Variants in CLECL1 observed in about 807,000 individuals in gnomAD.
CLECL1 encodes C-type lectin like 1.
At chr12:9,705,459 C>T in the CLECL1 span, among the ~76,000 whole-genome samples, 2 of 152,060 alleles carry the variant, frequency 1.3e-5, no homozygotes, top group Non-Finnish European at 2.9e-5. Context: ...TTGGCATCTT[C>T]GTCATGAAAT....
At chr12:9,720,713 C>T (rs1168226192), downstream of CLECL1, among the ~76,000 whole-genome samples, 2 of 152,184 alleles carry the variant, frequency 1.3e-5, no homozygotes, top group Non-Finnish European at 1.5e-5. Flanking sequence ...TTCTGCTTCT[C>T]TCCAGTCATT....
chr12:9,704,175 T>C, the CLECL1 span: 2 of 152,210 alleles, frequency 1.3e-5, no homozygotes, highest in Non-Finnish European at 2.9e-5. Flanking sequence ...CATAGTACTT[T>C]AATATTTTAT....
chr12:9,722,467 G>GAAAAA, downstream of CLECL1: 2 of 1,079,260 alleles, frequency 1.9e-6, no homozygotes, highest in African/African-American at 3.4e-5. Context: ...CTCCTAGCCG[G>GAAAAA]AAAAAAAAAA....
At chr12:9,717,630 A>G (rs1037363739), downstream of CLECL1, among the ~76,000 whole-genome samples, 1 of 152,248 alleles carries the variant, frequency 6.6e-6, no homozygotes, top group South Asian at 2.1e-4. Context: ...AATTAGGCAT[A>G]CAAGTGAGAT....
At chr12:9,707,025 A>G in the CLECL1 span, among the ~76,000 whole-genome samples, 3 of 152,084 alleles carry the variant, frequency 2.0e-5, no homozygotes, top group African/African-American at 7.2e-5. Flanking sequence ...TACTGGCTCA[A>G]TTTCAGAACT....
chr12:9,707,586 C>T, the CLECL1 span, among the ~76,000 whole-genome samples: 1 of 152,144 alleles, frequency 6.6e-6, no homozygotes, highest in African/African-American at 2.4e-5. Flanking sequence ...TGTGTATGCT[C>T]CCCTAGAGAT....
At chr12:9,727,518 A>T (rs7970116) in intron 3 of CLECL1, among the ~76,000 whole-genome samples, 1 of 151,372 alleles carries the variant, frequency 6.6e-6, no homozygotes, top group South Asian at 2.1e-4. Flanking sequence ...CAAGGCTACT[A>T]TTCATGCTTG....
chr12:9,716,743 C>A (rs1266397757), exon 3 of CLECL1: 1 of 1,272,788 alleles, frequency 7.9e-7, no homozygotes, highest in Non-Finnish European at 1.0e-6. Context: ...AGTCTAGGAA[C>A]TTCTATATGC....
chr12:9,705,739 T>A, the CLECL1 span, among the ~76,000 whole-genome samples: 1 of 152,172 alleles, frequency 6.6e-6, no homozygotes. Context: ...AATTCTCTAA[T>A]CTGTTCCATT....
At chr12:9,708,074 C>T in the CLECL1 span, among the ~76,000 whole-genome samples, 1 of 152,160 alleles carries the variant, frequency 6.6e-6, no homozygotes, top group African/African-American at 2.4e-5. Flanking sequence ...AGTTCAGCAG[C>T]CACGAGGAGG....
downstream of CLECL1, chr12:9,715,750 T>A (rs1866232381): frequency 6.6e-6 from 1 of 152,636 alleles, no homozygotes; most frequent in Non-Finnish European, 1.5e-5. Context: ...CTCTCTCCAG[T>A]TCTCGCCTTT....
At chr12:9,722,678 G>A (rs776215319) in exon 4 of CLECL1, 10 of 1,613,812 alleles carry the variant, frequency 6.2e-6, no homozygotes, top group Non-Finnish European at 8.5e-6. Flanking sequence ...CATGAGATAT[G>A]AATTGTTTAT....
At chr12:9,711,534 C>T (rs1866200915), downstream of CLECL1, among the ~76,000 whole-genome samples, 1 of 151,472 alleles carries the variant, frequency 6.6e-6, no homozygotes, top group Non-Finnish European at 1.5e-5. Flanking sequence ...AAAATCTCTT[C>T]TTAGTTTTCA....
At chr12:9,731,167 C>G (rs1866442561) in intron 1 of CLECL1, among the ~76,000 whole-genome samples, 1 of 152,250 alleles carries the variant, frequency 6.6e-6, no homozygotes, top group Non-Finnish European at 1.5e-5. Context: ...CACACTCTCA[C>G]TGATGTCCTG....
intron 3 of CLECL1, among the ~76,000 whole-genome samples, chr12:9,726,169 G>T (rs1866376926): frequency 6.6e-6 from 1 of 151,866 alleles, no homozygotes; most frequent in Non-Finnish European, 1.5e-5. Flanking sequence ...TACAAAGAAT[G>T]AATTTGGTCA....
the CLECL1 span, among the ~76,000 whole-genome samples, chr12:9,702,451 T>C: frequency 6.6e-6 from 1 of 152,176 alleles, no homozygotes; most frequent in African/African-American, 2.4e-5. Context: ...CTGTGGTTTT[T>C]ATGGGTAGAG....
intron 3 of CLECL1, among the ~76,000 whole-genome samples, chr12:9,723,063 A>G (rs1402014197): frequency 1.3e-5 from 2 of 152,254 alleles, no homozygotes; most frequent in Admixed American, 1.3e-4. Flanking sequence ...CATGTTTTCT[A>G]TAAGCCAGGA....
exon 3 of CLECL1, chr12:9,716,238 T>G (rs1866238493): frequency 6.6e-6 from 1 of 152,418 alleles, no homozygotes; most frequent in Non-Finnish European, 1.5e-5. Context: ...ACAACTTGCC[T>G]TTTCCATGCT....
chr12:9,725,227 G>A (rs7307111), intron 3 of CLECL1, among the ~76,000 whole-genome samples: 83,425 of 151,944 alleles, frequency 0.55, 23,418 homozygotes, highest in African/African-American at 0.66. Context: ...TTATTCAAGG[G>A]AGAACATAAA....
Sources: gnomAD v4.1 joint callset for allele counts (sites outside exome capture counted in the v4.1 genomes callset) on GRCh38, gnomAD v4.1.1 for gene constraint, MANE v1.5 for transcripts, NCBI Gene and HGNC (gene_info 2026-07-23, HGNC 2026-07-21) for gene names.